Variants in STAG1 observed in about 807,000 individuals in gnomAD.
The protein encoded by STAG1 is cohesin subunit SA-1.
STAG1 carries 26 observed loss-of-function variants against 170.9 expected under a neutral mutation model. That is an observed-to-expected ratio of 0.15 (90% CI 0.11 to 0.21). The LOEUF (loss-of-function observed/expected upper bound fraction) is 0.21, where lower values mean the gene tolerates loss of function less well. Ranked by LOEUF, STAG1 falls within the 10% of genes least tolerant of loss-of-function variation. The pLI is 1.00. For synonymous variants in STAG1, 514 were observed against 497.7 expected, an observed-to-expected ratio of 1.03 and a Z score of -0.44; for missense variants, 964 against 1,509.5, an observed-to-expected ratio of 0.64 and a Z score of 5.99.
chr3:136,603,138 T>C (rs891717139), intron 4 of STAG1, among the ~76,000 whole-genome samples: 1 of 150,338 alleles, frequency 6.7e-6, no homozygotes, highest in Non-Finnish European at 1.5e-5. Context: ...ATAGAAAGTA[T>C]ACTAATGAAA....
intron 1 of STAG1, among the ~76,000 whole-genome samples, chr3:136,675,945 T>C (rs911580897): frequency 6.6e-6 from 1 of 152,256 alleles, no homozygotes; most frequent in Non-Finnish European, 1.5e-5. Context: ...CATTGTAGAA[T>C]GTACTTACAC....
rs922329488 is a variant in STAG1, at chr3:136,634,062, A to G, written c.-83-3081T>C. Among the ~76,000 whole-genome samples the G allele has an allele frequency of 2.0e-5, 3 of 149,716 alleles. 1 individual carries two copies. Among genetic ancestry groups the G allele is most frequent in the African/African-American group, 2.5e-5 (1 of 40,686 alleles). On this transcript the variant is annotated intron_variant, in intron 1 of 33. Coordinates refer to ENST00000383202, the MANE Select transcript of STAG1 (RefSeq NM_005862.3). ...AGGCTGAGGCAGGAGAATCACTTGA[A>G]CCCAGGAGGCGGAGGTTGCAGTGAG...
intron 1 of STAG1, among the ~76,000 whole-genome samples, chr3:136,671,002 C>T (rs1348645776): frequency 5.9e-5 from 9 of 151,856 alleles, no homozygotes; most frequent in Admixed American, 2.0e-4. Flanking sequence ...AGGAAAGTAC[C>T]GGCCGGGTGT....
At position 136,498,233 on chromosome 3, in the gene STAG1, T is replaced by TATATATATATATATATATATATACAC; in HGVS notation, c.902+1989_902+1990insGTGTATATATATATATATATATATAT. The stretch of plus-strand genomic sequence containing the variant: ...AATTATATATATATATATATATATA[T>TATATATATATATATATATATATACAC]ACACATACATATACATACACACACA... On this transcript the variant is annotated intron_variant, in intron 9 of 33. Transcript: ENST00000383202. 4.3e-3 allele frequency among the ~76,000 whole-genome samples: 248 copies of TATATATATATATATATATATATACAC among 57,342 alleles called. 15 individuals carry two copies. The highest frequency in any genetic ancestry group is 0.017 in the Middle Eastern group (2 of 120). The allele number at this position is 57,342 out of a possible 152,430, so 37.6% of individuals were successfully genotyped here. A position where few individuals can be genotyped will look rare whatever the true frequency, so the allele number is the denominator to read the frequency against.
chr3:136,394,004 C>T lies in STAG1; in HGVS notation c.2277+4745G>A, dbSNP rs554928667. Among the ~76,000 whole-genome samples, 16 of 152,300 alleles carry T rather than the reference C, an allele frequency of 1.1e-4. No individual in the cohort carries two copies. In the South Asian group the frequency reaches 2.9e-3, roughly 28 times the overall value. On this transcript the variant is annotated intron_variant, in intron 22 of 33. Transcript: ENST00000383202. ...GCAACCTCCGCCTCCTGGGTTCAAT[C>T]GATTCTCCTGCCTCAGCCTTCTGAG...
chr3:136,508,024 A>AT (rs1338961664), intron 7 of STAG1, among the ~76,000 whole-genome samples: 5 of 152,196 alleles, frequency 3.3e-5, no homozygotes, highest in Non-Finnish European at 4.4e-5. Flanking sequence ...TAGAGACAGA[A>AT]ACCTAATAGG....
At chr3:136,423,174 A>C (rs2088009733) in intron 16 of STAG1, 130 bp from the exon 17 acceptor site, 1 of 584,048 alleles carries the variant, frequency 1.7e-6, no homozygotes. Flanking sequence ...ACTGAAATAA[A>C]CACAAGAAAG....
intron 1 of STAG1, among the ~76,000 whole-genome samples, chr3:136,745,161 T>C (rs1042523961): frequency 1.3e-5 from 2 of 152,230 alleles, no homozygotes; most frequent in Admixed American, 6.5e-5. Flanking sequence ...ATTGCTATTA[T>C]GTTTACAGCA....
intron 7 of STAG1, among the ~76,000 whole-genome samples, chr3:136,504,816 G>A (rs113982549): frequency 1.2e-3 from 176 of 152,236 alleles, no homozygotes; most frequent in African/African-American, 2.5e-3. Flanking sequence ...ACTTTCAGCT[G>A]TATATCTTCT....
chr3:136,354,201 A>G (rs976388163), intron 28 of STAG1, among the ~76,000 whole-genome samples: 3 of 152,234 alleles, frequency 2.0e-5, no homozygotes, highest in African/African-American at 7.2e-5. Flanking sequence ...TGGACTAGGT[A>G]TAACAAGAAT....
intron 4 of STAG1, among the ~76,000 whole-genome samples, chr3:136,590,806 T>C (rs1938125199): frequency 6.6e-6 from 1 of 152,158 alleles, no homozygotes; most frequent in South Asian, 2.1e-4. Context: ...ATCTGAAAAT[T>C]TCTGAGGATC....
In STAG1 at chr3:136,355,912, A is replaced by G. The variant is rs115616146; in HGVS notation, c.3065+1808T>C. Reference sequence around the variant, plus strand: ...AATGCAACATACCAAAACTTACAAGATGCAGCTAAGGTAATGTTTAGAGGA... The same window carrying G: ...AATGCAACATACCAAAACTTACAAGGTGCAGCTAAGGTAATGTTTAGAGGA... On this transcript the variant is annotated intron_variant, in intron 28 of 33. Transcript: ENST00000383202. Among the ~76,000 whole-genome samples the G allele has an allele frequency of 4.5e-3, 689 of 152,348 alleles. 7 individuals are homozygous for G. The highest frequency in any genetic ancestry group is 0.016 in the African/African-American group (673 of 41,582).
At chr3:136,605,235 GC>G (rs1938876917) in intron 3 of STAG1, among the ~76,000 whole-genome samples, 1 of 152,094 alleles carries the variant, frequency 6.6e-6, no homozygotes, top group Non-Finnish European at 1.5e-5. Context: ...AAACATTCTT[GC>G]CCTGATGGAG....
intron 20 of STAG1, 140 bp from the exon 21 acceptor site, chr3:136,418,112 G>T: frequency 1.5e-6 from 1 of 648,620 alleles, no homozygotes; most frequent in African/African-American, 1.8e-5. Flanking sequence ...CCAGCACTCT[G>T]GAAGGCCGCG....
chr3:136,338,504 A>ATT, intron 32 of STAG1, 54 bp from the exon 33 acceptor site: 1 of 1,288,854 alleles, frequency 7.8e-7, no homozygotes, highest in South Asian at 1.2e-5. Context: ...AAGACAATGA[A>ATT]TTGTGATAAT....
intron 12 of STAG1, 58 bp downstream of exon 12, chr3:136,472,355 C>T (rs1168721054): frequency 3.1e-6 from 4 of 1,287,246 alleles, no homozygotes; most frequent in African/African-American, 1.5e-5. Context: ...CATTAAAAAT[C>T]CTGGGGAAAA....
chr3:136,430,693 A>C (rs972890129), intron 16 of STAG1, among the ~76,000 whole-genome samples: 7 of 151,468 alleles, frequency 4.6e-5, no homozygotes, highest in Non-Finnish European at 5.9e-5. Flanking sequence ...GTTGGGCTGC[A>C]TTCAAAGCTG....
At chr3:136,721,086 T>TA (rs1933235194) in intron 1 of STAG1, among the ~76,000 whole-genome samples, 1 of 152,172 alleles carries the variant, frequency 6.6e-6, no homozygotes, top group Non-Finnish European at 1.5e-5. Context: ...TGGAAGTGTA[T>TA]AAAAGGTCAA....
chr3:136,442,953 G>C (rs1048106107), intron 15 of STAG1, among the ~76,000 whole-genome samples: 3 of 152,152 alleles, frequency 2.0e-5, no homozygotes, highest in Non-Finnish European at 4.4e-5. Context: ...AGGCTGCAGT[G>C]AGTTATGACT....
Sources: allele counts gnomAD v4.1 joint callset (sites outside exome capture counted in the v4.1 genomes callset), GRCh38; gene constraint gnomAD v4.1.1; transcripts MANE v1.5; gene names NCBI Gene and HGNC (gene_info 2026-07-23, HGNC 2026-07-21).